The following CNNM2 variants were observed in gnomAD, a reference collection of about 807,000 sequenced individuals.
CNNM2 encodes metal transporter CNNM2.
Under a neutral mutation model 66.9 loss-of-function variants are expected in CNNM2, and 12 were observed. The observed-to-expected ratio is 0.18, with a 90% confidence interval of 0.11 to 0.29. The LOEUF (loss-of-function observed/expected upper bound fraction) is 0.29, where lower values mean the gene tolerates loss of function less well. Among genes scored for constraint, CNNM2 ranks in the 10% least tolerant of loss-of-function variants. The pLI is 1.00. For missense variants in CNNM2, 705 were observed against 1,167.7 expected (o/e 0.60, Z 5.77); for synonymous variants, 557 against 501.8 (o/e 1.11, Z -1.47).
chr10:103,071,979 G>A lies in CNNM2; in HGVS notation c.2233+140G>A, dbSNP rs973811776. ...TGGAGCGCTAAAGCTCTAAGGTTCC[G>A]TAACTTTATAGCGAGCTCTCCAGGA... On this transcript the variant is annotated intron_variant, in intron 6 of 7. Coordinates refer to ENST00000369878, the MANE Select transcript of CNNM2 (RefSeq NM_017649.5). The A allele has an allele frequency of 1.3e-5, 10 of 795,460 alleles. No individual in the cohort carries two copies. In the East Asian group the frequency reaches 1.5e-4, roughly 12 times the overall value. 49.3% of individuals were successfully genotyped at this position (795,460 alleles called of 1,614,324 possible).
At chr10:102,944,025 C>T (rs1846520503) in intron 1 of CNNM2, among the ~76,000 whole-genome samples, 1 of 151,690 alleles carries the variant, frequency 6.6e-6, no homozygotes. Context: ...AATTAACCTA[C>T]AATTAAAACC....
intron 4 of CNNM2, among the ~76,000 whole-genome samples, chr10:103,063,911 C>G (rs562473911): frequency 6.6e-6 from 1 of 152,326 alleles, no homozygotes; most frequent in East Asian, 1.9e-4. Flanking sequence ...GCCATCTCCT[C>G]CTGTGCCCTA....
Position 102,919,630 on chromosome 10 carries a change from A to G in CNNM2, c.1150A>G (p.Met384Val). 10 of 1,613,990 alleles carry G rather than the reference A, an allele frequency of 6.2e-6. No homozygotes were observed. Among genetic ancestry groups the G allele is most frequent in the Non-Finnish European group, 8.5e-6 (10 of 1,180,016 alleles). The change falls in exon 1 of 8, where the codon ATG becomes GTG. Residue 384 changes from methionine (M) to valine (V), a missense_variant. Physicochemically the swap from Met to Val is conservative, Grantham distance 21. This residue lies in a region of CNNM2 where 27 missense variants were observed against 40.7 expected (regional missense o/e 0.66). Coordinates refer to ENST00000369878, the MANE Select transcript of CNNM2 (RefSeq NM_017649.5). ...NTIFLTKFFM[M>V]MTFPASYPVS... ...CATCTTCCTCACCAAGTTTTTCATG[A>G]TGATGACCTTCCCCGCTTCCTACCC...
chr10:102,929,999 A>T (rs1846012883), intron 1 of CNNM2, among the ~76,000 whole-genome samples: 1 of 152,248 alleles, frequency 6.6e-6, no homozygotes, highest in Non-Finnish European at 1.5e-5. Context: ...TGTCATAAAA[A>T]TGATTTAGTA....
At chr10:102,933,179 T>A (rs1252998569) in intron 1 of CNNM2, among the ~76,000 whole-genome samples, 1 of 152,160 alleles carries the variant, frequency 6.6e-6, no homozygotes, top group African/African-American at 2.4e-5. Flanking sequence ...AAAAGGCAGT[T>A]GGAATTTACA....
intron 1 of CNNM2, among the ~76,000 whole-genome samples, chr10:102,992,073 C>T (rs182591935): frequency 6.6e-6 from 1 of 152,184 alleles, no homozygotes; most frequent in East Asian, 1.9e-4. Context: ...ATTAAAATCC[C>T]TGAGCAAACT....
intron 1 of CNNM2, among the ~76,000 whole-genome samples, chr10:103,042,619 A>T (rs2065061981): frequency 6.6e-6 from 1 of 152,228 alleles, no homozygotes; most frequent in African/African-American, 2.4e-5. Context: ...TTTATGGAAC[A>T]AACAAATGAA....
intron 1 of CNNM2, among the ~76,000 whole-genome samples, chr10:102,929,526 A>C (rs1477752729): frequency 6.6e-6 from 1 of 150,534 alleles, no homozygotes; most frequent in Admixed American, 6.6e-5. Context: ...AAGCTTTGTT[A>C]TTTTCCTAGC....
At chr10:103,015,301 G>A (rs1374169103) in intron 1 of CNNM2, among the ~76,000 whole-genome samples, 6 of 152,128 alleles carry the variant, frequency 3.9e-5, no homozygotes, top group South Asian at 2.1e-4. Flanking sequence ...TGGTGGGATT[G>A]TCCAAGCCTG....
chr10:103,024,144 T>A (rs1397909650), intron 1 of CNNM2, among the ~76,000 whole-genome samples: 2 of 152,206 alleles, frequency 1.3e-5, no homozygotes, highest in Non-Finnish European at 1.5e-5. Context: ...CATTGCATTG[T>A]GATATTATGC....
intron 1 of CNNM2, among the ~76,000 whole-genome samples, chr10:102,939,835 G>T (rs1049338266): frequency 4.6e-5 from 7 of 152,178 alleles, no homozygotes; most frequent in Non-Finnish European, 1.0e-4. Flanking sequence ...GCTGGGCGTG[G>T]CGCACACCTG....
At chr10:103,063,811 G>C (rs1177589790) in intron 4 of CNNM2, among the ~76,000 whole-genome samples, 1 of 152,128 alleles carries the variant, frequency 6.6e-6, no homozygotes, top group African/African-American at 2.4e-5. Context: ...TAAACTTACA[G>C]ATGTTTCAAA....
chr10:103,011,305 T>C (rs1021463638), intron 1 of CNNM2, among the ~76,000 whole-genome samples: 1 of 151,906 alleles, frequency 6.6e-6, no homozygotes, highest in Admixed American at 6.6e-5. Flanking sequence ...ATACAAAAAT[T>C]AGCCAGGTGT....
rs1275849600 is a variant in CNNM2, at chr10:103,078,623, A to G, written c.*1443A>G. ...TCTGTGTTTTGTTAGCCCGAGGGAT[A>G]TGTGCAGGTTGTTGGCGCTATTCAT... On this transcript the variant is annotated 3_prime_UTR_variant, in exon 8 of 8. Transcript: ENST00000369878. The G allele has an allele frequency of 1.3e-5, 2 of 152,262 alleles. No homozygotes were observed. Among genetic ancestry groups the G allele is most frequent in the Non-Finnish European group, 2.9e-5 (2 of 68,048 alleles). The allele number at this position is 152,262 out of a possible 1,614,324, so 9.4% of individuals were successfully genotyped here.
At chr10:102,968,910 C>CTTTTT (rs767809554) in intron 1 of CNNM2, among the ~76,000 whole-genome samples, 2 of 99,696 alleles carry the variant, frequency 2.0e-5, no homozygotes, top group Admixed American at 1.1e-4. Context: ...CCAGTGCTGT[C>CTTTTT]TTTTTTTTTT....
chr10:102,961,953 T>TA (rs1164482937), intron 1 of CNNM2, among the ~76,000 whole-genome samples: 5 of 149,818 alleles, frequency 3.3e-5, no homozygotes, highest in African/African-American at 1.2e-4. Context: ...ACGATACTTA[T>TA]AAAAAACAAA....
Position 102,920,167 on chromosome 10 carries a change from C to T in CNNM2, c.1621+66C>T, listed in dbSNP as rs1845567753. Reference sequence around the variant, plus strand: ...TCTCCATCCTCCTCCCTACTTGAGTCCTCTACCCTCAGACCAACCCCCCAA... The same window carrying T: ...TCTCCATCCTCCTCCCTACTTGAGTTCTCTACCCTCAGACCAACCCCCCAA... On this transcript the variant is annotated intron_variant, in intron 1 of 7. Coordinates refer to ENST00000369878, the MANE Select transcript of CNNM2 (RefSeq NM_017649.5). 7 of 1,612,944 alleles carry T rather than the reference C, an allele frequency of 4.3e-6. No homozygotes were observed. In the South Asian group the frequency reaches 5.5e-5, roughly 13 times the overall value.
chr10:102,930,247 A>G (rs1014485944), intron 1 of CNNM2, among the ~76,000 whole-genome samples: 3 of 152,376 alleles, frequency 2.0e-5, no homozygotes, highest in South Asian at 2.1e-4. Flanking sequence ...GAAAATTTGC[A>G]CTGATTATTT....
intron 2 of CNNM2, among the ~76,000 whole-genome samples, chr10:103,050,414 G>A (rs373867840): frequency 2.0e-5 from 3 of 151,968 alleles, no homozygotes; most frequent in African/African-American, 7.3e-5. Flanking sequence ...GTGCATGCCT[G>A]TAATTCCAGC....
Sources: allele counts gnomAD v4.1 joint callset (sites outside exome capture counted in the v4.1 genomes callset), GRCh38; gene constraint gnomAD v4.1.1; regional missense constraint gnomAD v4.1.1; transcripts MANE v1.5; gene names NCBI Gene and HGNC (gene_info 2026-07-23, HGNC 2026-07-21).